Variants in NT5DC3 observed in about 807,000 individuals in gnomAD.
NT5DC3 encodes the protein 5'-nucleotidase domain-containing protein 3.
Under a neutral mutation model 67.8 loss-of-function variants are expected in NT5DC3, and 42 were observed. The observed-to-expected ratio is 0.62, with a 90% CI of 0.48 to 0.80. The LOEUF (loss-of-function observed/expected upper bound fraction) is 0.80, where lower values mean the gene tolerates loss of function less well. Among genes scored for constraint, NT5DC3 ranks in the 30% least tolerant of loss-of-function variants. The probability of loss-of-function intolerance (pLI) is 0.00; values close to 1 mark genes in which losing one functional copy is unlikely to be tolerated. For synonymous variants in NT5DC3, 237 were observed against 255.6 expected (o/e 0.93, Z 0.69); for missense variants, 570 against 696.4 (o/e 0.82, Z 2.04).
At chr12:103,800,967 G>A (rs998193079) in intron 4 of NT5DC3, among the ~76,000 whole-genome samples, 12 of 152,178 alleles carry the variant, frequency 7.9e-5, no homozygotes, top group Non-Finnish European at 1.6e-4. Context: ...GTTGGTCTAT[G>A]TAAGCACTAT....
intron 1 of NT5DC3, among the ~76,000 whole-genome samples, chr12:103,831,146 G>A (rs563116951): frequency 1.3e-5 from 2 of 152,262 alleles, no homozygotes; most frequent in South Asian, 2.1e-4. Flanking sequence ...CATGTGTCAA[G>A]GGCGGGAGCA....
chr12:103,774,661 G>C lies in NT5DC3; in HGVS notation c.*3168C>G, dbSNP rs1422340460. On this transcript the variant is annotated 3_prime_UTR_variant, in exon 14 of 14. Coordinates refer to ENST00000392876, the MANE Select transcript of NT5DC3 (RefSeq NM_001031701.3). Reference sequence around the variant, plus strand: ...ATCGTGCCATTGCACTCCGGCCTGGGCAAAAAGAGCAAAACTAAATCTCAA... The same window carrying C: ...ATCGTGCCATTGCACTCCGGCCTGGCCAAAAAGAGCAAAACTAAATCTCAA... 7 of 134,606 alleles carry C rather than the reference G, an allele frequency of 5.2e-5. No homozygotes were observed. In the Admixed American group the frequency reaches 5.4e-4, roughly 10 times the overall value. 8.3% of individuals were successfully genotyped at this position (134,606 alleles called of 1,614,324 possible). A position where few individuals can be genotyped will look rare whatever the true frequency, so the allele number is the denominator to read the frequency against.
chr12:103,763,212 G>A, the NT5DC3 span: 77 of 340,826 alleles, frequency 2.3e-4, no homozygotes, highest in African/African-American at 1.5e-3. Context: ...TGGGTGGCAG[G>A]CACCAGCAGG....
chr12:103,830,031 T>A (rs1268886204), intron 1 of NT5DC3, among the ~76,000 whole-genome samples: 1 of 152,236 alleles, frequency 6.6e-6, no homozygotes, highest in Non-Finnish European at 1.5e-5. Context: ...ATCAGTCTCC[T>A]AGTCCTTTGT....
chr12:103,823,315 A>C (rs906219432), intron 1 of NT5DC3, among the ~76,000 whole-genome samples: 1 of 152,114 alleles, frequency 6.6e-6, no homozygotes, highest in Non-Finnish European at 1.5e-5. Context: ...TCAGTCAACC[A>C]AAAAGTTAAT....
intron 1 of NT5DC3, among the ~76,000 whole-genome samples, chr12:103,834,165 C>T (rs1471078934): frequency 6.6e-6 from 1 of 152,014 alleles, no homozygotes; most frequent in African/African-American, 2.4e-5. Flanking sequence ...AAAACTGCCC[C>T]TCCAGCTCCC....
intron 4 of NT5DC3, 35 bp from the exon 5 acceptor site, chr12:103,798,712 A>C: frequency 1.4e-6 from 2 of 1,431,592 alleles, no homozygotes; most frequent in Non-Finnish European, 2.0e-6. Flanking sequence ...AAAGAGCTCA[A>C]CTAGAGAAAC....
intron 1 of NT5DC3, among the ~76,000 whole-genome samples, chr12:103,821,243 T>C (rs1887478925): frequency 6.6e-6 from 1 of 152,262 alleles, no homozygotes; most frequent in South Asian, 2.1e-4. Flanking sequence ...TATAGCTGTC[T>C]GTAATAAGCC....
At chr12:103,764,205 G>A in the NT5DC3 span, among the ~76,000 whole-genome samples, 6 of 152,156 alleles carry the variant, frequency 3.9e-5, no homozygotes, top group South Asian at 2.1e-4. Flanking sequence ...CGCCCACCTC[G>A]GCCTCCCAAA....
At chr12:103,748,335 G>A in the NT5DC3 span, among the ~76,000 whole-genome samples, 2 of 152,138 alleles carry the variant, frequency 1.3e-5, no homozygotes, top group Non-Finnish European at 2.9e-5. Context: ...CTACTCCTGA[G>A]GCTGGAGCTA....
At chr12:103,828,696 C>CT (rs376961953) in intron 1 of NT5DC3, among the ~76,000 whole-genome samples, 23,633 of 136,052 alleles carry the variant, frequency 0.17, 2,712 homozygotes, top group Middle Eastern at 0.3. Flanking sequence ...TTTTTTCTTT[C>CT]TTTTTATTTT....
At chr12:103,750,573 C>T in the NT5DC3 span, 1 of 1,613,938 alleles carries the variant, frequency 6.2e-7, no homozygotes, top group Non-Finnish European at 8.5e-7. Context: ...CACTCTCCCT[C>T]CACAGGGCAA....
Position 103,777,652 on chromosome 12 carries a change from G to A in NT5DC3, c.*177C>T. The A allele has an allele frequency of 1.4e-6, 1 of 689,686 alleles. No individual in the cohort carries two copies. The highest frequency in any genetic ancestry group is 2.4e-6 in the Non-Finnish European group (1 of 424,508). 42.7% of individuals were successfully genotyped at this position (689,686 alleles called of 1,614,324 possible). A position where few individuals can be genotyped will look rare whatever the true frequency, so the allele number is the denominator to read the frequency against. ...CCTGCATGGGGGGAAAGGCTGGAGG[G>A]GTGGGCTGCTAGCTCCTGTCTTAAC... On this transcript the variant is annotated 3_prime_UTR_variant, in exon 14 of 14. Transcript: ENST00000392876.
chr12:103,814,254 T>C (rs538472877), intron 2 of NT5DC3, among the ~76,000 whole-genome samples: 18 of 152,338 alleles, frequency 1.2e-4, no homozygotes, highest in African/African-American at 4.3e-4. Context: ...AACAGCTGTA[T>C]GAAGGCAAAA....
intron 1 of NT5DC3, among the ~76,000 whole-genome samples, chr12:103,823,371 G>A (rs958957059): frequency 1.6e-4 from 25 of 152,248 alleles, no homozygotes; most frequent in South Asian, 6.2e-4. Flanking sequence ...CAGGCACTAA[G>A]AAGTACACGA....
chr12:103,770,227 G>A (rs547021420), downstream of NT5DC3, among the ~76,000 whole-genome samples: 72 of 152,080 alleles, frequency 4.7e-4, no homozygotes, highest in Non-Finnish European at 9.6e-4. Flanking sequence ...AGCTATACAT[G>A]TAAACCTGTC....
At chr12:103,840,649 C>G (rs187902612) in intron 1 of NT5DC3, among the ~76,000 whole-genome samples, 1 of 152,306 alleles carries the variant, frequency 6.6e-6, no homozygotes, top group East Asian at 1.9e-4. Context: ...CCCAGCCCCG[C>G]GCGGCCCAAA....
intron 11 of NT5DC3, 76 bp downstream of exon 11, chr12:103,787,365 T>C (rs1473735721): frequency 2.5e-5 from 18 of 707,698 alleles, no homozygotes; most frequent in Non-Finnish European, 3.7e-5. Context: ...AGGTACATCC[T>C]TAAATAAAAG....
Position 103,796,887 on chromosome 12 carries a change from A to G in NT5DC3, c.753+7T>C, listed in dbSNP as rs778678834. 6.2e-7 allele frequency: 1 copy of G among 1,614,166 alleles called. No homozygotes were observed. The highest frequency in any genetic ancestry group is 8.5e-7 in the Non-Finnish European group (1 of 1,180,006). On this transcript the variant is annotated splice_region_variant and intron_variant, in intron 6 of 13. Coordinates refer to ENST00000392876, the MANE Select transcript of NT5DC3 (RefSeq NM_001031701.3). ...TCAGCACTGTAATCTCTCACTGTGG[A>G]TACAACCTTGACATCTTTGTACAGA...
Sources: allele counts gnomAD v4.1 joint callset (sites outside exome capture counted in the v4.1 genomes callset), GRCh38; gene constraint gnomAD v4.1.1; transcripts MANE v1.5; gene names NCBI Gene and HGNC (gene_info 2026-07-23, HGNC 2026-07-21).